PDE4B: variants seen among roughly 807,000 people sequenced by gnomAD.
PDE4B encodes phosphodiesterase 4B.
In PDE4B, 20 loss-of-function variants were observed where a neutral mutation model predicts 82.2. The observed-to-expected ratio is 0.24, with a 90% CI of 0.17 to 0.35. The LOEUF (loss-of-function observed/expected upper bound fraction) is 0.35, where lower values mean the gene tolerates loss of function less well. Among genes scored for constraint, PDE4B ranks in the 10% least tolerant of loss-of-function variants. The pLI is 1.00. For synonymous variants in PDE4B, 320 were observed against 318.9 expected, an observed-to-expected ratio of 1.00 and a Z score of -0.04; for missense variants, 655 against 907.2, an observed-to-expected ratio of 0.72 and a Z score of 3.57.
intron 3 of PDE4B, among the ~76,000 whole-genome samples, chr1:66,091,656 CAT>C (rs998216276): frequency 6.6e-6 from 1 of 151,910 alleles, no homozygotes; most frequent in African/African-American, 2.4e-5. Context: ...CATGAGAGGT[CAT>C]TTATTAAAAT....
At chr1:66,029,298 A>G (rs7525943) in intron 3 of PDE4B, among the ~76,000 whole-genome samples, 33,102 of 152,122 alleles carry the variant, frequency 0.22, 4,129 homozygotes, top group Middle Eastern at 0.36. Flanking sequence ...CTGTGATTCA[A>G]TTACCTCTCC....
intron 1 of PDE4B, among the ~76,000 whole-genome samples, chr1:65,910,458 T>C (rs1647076805): frequency 6.6e-6 from 1 of 152,218 alleles, no homozygotes; most frequent in Non-Finnish European, 1.5e-5. Context: ...TATTTAACAA[T>C]TACCTTCTGA....
intron 3 of PDE4B, among the ~76,000 whole-genome samples, chr1:66,009,171 C>G (rs1652325650): frequency 6.6e-6 from 1 of 152,160 alleles, no homozygotes; most frequent in Admixed American, 6.6e-5. Flanking sequence ...TCTAATTACT[C>G]AGGTCAGAAA....
At chr1:66,084,743 C>G (rs1190624439) in intron 3 of PDE4B, among the ~76,000 whole-genome samples, 1 of 152,078 alleles carries the variant, frequency 6.6e-6, no homozygotes, top group Admixed American at 6.6e-5. Flanking sequence ...GTGATAGTAT[C>G]TTCATTCTAC....
intron 1 of PDE4B, among the ~76,000 whole-genome samples, chr1:65,894,299 A>G (rs1012229236): frequency 1.3e-5 from 2 of 152,172 alleles, no homozygotes; most frequent in African/African-American, 2.4e-5. Flanking sequence ...TTAAAGAGGA[A>G]AAAGGTAGTA....
intron 1 of PDE4B, among the ~76,000 whole-genome samples, chr1:65,893,688 C>T (rs56895854): frequency 0.27 from 40,258 of 151,672 alleles, 6,045 homozygotes; most frequent in East Asian, 0.48. Context: ...ATGAAACATG[C>T]ACACATGTTT....
intron 3 of PDE4B, among the ~76,000 whole-genome samples, chr1:66,187,476 G>C (rs1647287449): frequency 6.6e-6 from 1 of 152,102 alleles, no homozygotes; most frequent in South Asian, 2.1e-4. Flanking sequence ...ACTCTTTTTG[G>C]TTGGTAAGCT....
chr1:66,172,640 A>G (rs1259009190), intron 3 of PDE4B, among the ~76,000 whole-genome samples: 1 of 152,150 alleles, frequency 6.6e-6, no homozygotes, highest in Non-Finnish European at 1.5e-5. Flanking sequence ...GATGATAGTA[A>G]TTCTGACTAT....
intron 3 of PDE4B, among the ~76,000 whole-genome samples, chr1:66,115,587 G>T (rs970444932): frequency 1.3e-5 from 2 of 152,198 alleles, no homozygotes; most frequent in African/African-American, 4.8e-5. Context: ...ACATGAAATT[G>T]TCTCATATAG....
At chr1:66,081,201 A>G (rs6661750) in intron 3 of PDE4B, among the ~76,000 whole-genome samples, 77,728 of 151,892 alleles carry the variant, frequency 0.51, 19,958 homozygotes, top group East Asian at 0.58. Context: ...ATTGCTGTTT[A>G]GTCATAAGAG....
chr1:66,099,970 C>T (rs1645190280), intron 3 of PDE4B, among the ~76,000 whole-genome samples: 1 of 152,096 alleles, frequency 6.6e-6, no homozygotes, highest in Admixed American at 6.6e-5. Flanking sequence ...AAGAAGTCTT[C>T]CCTGGCCATG....
At chr1:66,000,430 A>T (rs1326584267) in intron 3 of PDE4B, among the ~76,000 whole-genome samples, 2 of 152,198 alleles carry the variant, frequency 1.3e-5, no homozygotes, top group Non-Finnish European at 2.9e-5. Context: ...TATGACTTGC[A>T]GAGTGAGGAA....
rs192568555 is a variant in PDE4B at position 66,286,183 on chromosome 1, C to T, written c.634+20096C>T. On this transcript the variant is annotated intron_variant, in intron 7 of 16. Transcript: ENST00000341517. ...AATTGAAGTCTACTAGTCAATTTTC[C>T]TTTCTTTGTAAAATTGGGGGAATGG... Among the ~76,000 whole-genome samples, 32 of 152,212 alleles carry T rather than the reference C, an allele frequency of 2.1e-4. No homozygotes were observed. The East Asian group carries it at 5.0e-3, about 24-fold the overall frequency.
chr1:66,065,389 T>G (rs1408545580), intron 3 of PDE4B, among the ~76,000 whole-genome samples: 2 of 151,914 alleles, frequency 1.3e-5, no homozygotes, highest in Admixed American at 1.3e-4. Context: ...ATGAATAATA[T>G]GTGTGGTGGG....
chr1:65,833,743 C>G (rs567653840), intron 1 of PDE4B, among the ~76,000 whole-genome samples: 1 of 152,296 alleles, frequency 6.6e-6, no homozygotes, highest in South Asian at 2.1e-4. Context: ...AAAAATTCAT[C>G]TATCTGTCTA....
chr1:66,331,407 C>G (rs1660098236), intron 7 of PDE4B, among the ~76,000 whole-genome samples: 1 of 152,112 alleles, frequency 6.6e-6, no homozygotes, highest in African/African-American at 2.4e-5. Flanking sequence ...ATTCATCTAG[C>G]ATTTATAAAG....
At chr1:66,245,159 A>G (rs1008174824) in intron 3 of PDE4B, among the ~76,000 whole-genome samples, 2 of 152,232 alleles carry the variant, frequency 1.3e-5, no homozygotes, top group African/African-American at 4.8e-5. Context: ...TAATGGACAC[A>G]GGCACAGTGC....
chr1:66,076,335 C>T (rs527247452), intron 3 of PDE4B, among the ~76,000 whole-genome samples: 18 of 152,238 alleles, frequency 1.2e-4, no homozygotes, highest in African/African-American at 2.6e-4. Flanking sequence ...GCTGCATCTA[C>T]GTTGCTGCAA....
chr1:65,830,647 A>G (rs1646071695), intron 1 of PDE4B, among the ~76,000 whole-genome samples: 1 of 152,190 alleles, frequency 6.6e-6, no homozygotes, highest in African/African-American at 2.4e-5. Flanking sequence ...CTACTCCCCA[A>G]ATCTGTAGAG....
Sources: allele counts gnomAD v4.1 joint callset (sites outside exome capture counted in the v4.1 genomes callset), GRCh38; gene constraint gnomAD v4.1.1; transcripts MANE v1.5; gene names NCBI Gene and HGNC (gene_info 2026-07-23, HGNC 2026-07-21).